Variants in PANK1 observed in about 807,000 individuals in gnomAD.
PANK1 encodes pantothenic acid kinase 1.
Under a neutral mutation model 40.1 loss-of-function variants are expected in PANK1, and 18 were observed. The observed-to-expected ratio is 0.45, with a 90% CI of 0.31 to 0.67. The LOEUF (loss-of-function observed/expected upper bound fraction) is 0.67, where lower values mean the gene tolerates loss of function less well. Among genes scored for constraint, PANK1 ranks in the 30% least tolerant of loss-of-function variants. PANK1 has a pLI of 0.06. For missense variants in PANK1, 457 were observed against 599.6 expected (o/e 0.76, Z 2.48); for synonymous variants, 242 against 237.7 (o/e 1.02, Z -0.17).
chr10:89,623,553 C>G (rs1845568401), intron 1 of PANK1, among the ~76,000 whole-genome samples: 1 of 151,848 alleles, frequency 6.6e-6, no homozygotes. Flanking sequence ...AATCAACACA[C>G]TTGAACTTCA....
intron 1 of PANK1, among the ~76,000 whole-genome samples, chr10:89,630,202 A>T (rs1485330741): frequency 6.6e-6 from 1 of 152,350 alleles, no homozygotes; most frequent in Non-Finnish European, 1.5e-5. Flanking sequence ...CCAAACGTTA[A>T]GACTTTAGAG....
chr10:89,629,586 C>T (rs183133017), intron 1 of PANK1, among the ~76,000 whole-genome samples: 9 of 152,166 alleles, frequency 5.9e-5, no homozygotes, highest in East Asian at 1.9e-4. Context: ...ATAAAAGTGA[C>T]GTCTTATTTG....
intron 1 of PANK1, among the ~76,000 whole-genome samples, chr10:89,630,492 T>A (rs1013010758): frequency 5.4e-5 from 7 of 129,270 alleles, no homozygotes; most frequent in African/African-American, 2.3e-4. Context: ...TAATGTGCAG[T>A]TTTTTTGTTT....
At chr10:89,582,106 A>T (rs182497084), downstream of PANK1, 199 of 152,334 alleles carry the variant, frequency 1.3e-3, 2 homozygotes, top group African/African-American at 4.5e-3. Flanking sequence ...TATGTAAAAC[A>T]ATTATTTGTC....
Position 89,611,984 on chromosome 10 carries a change from C to T in PANK1, c.357G>A (p.Lys119=), listed in dbSNP as rs1845170670. The change falls in exon 2 of 7, where the codon AAG becomes AAA. Residue 119 remains lysine, a synonymous_variant. Transcript: ENST00000307534. ...CTTGCTCCTCTTCGGCTGTAATATC[C>T]TTCGGCTCGAAATACACCAATTTAA... ...TLVKLVYFEP[K]DITAEEEQEE... is the part of the protein sequence containing the mutation. The T allele has an allele frequency of 6.2e-7, 1 of 1,614,012 alleles. No individual in the cohort carries two copies. The highest frequency in any genetic ancestry group is 1.3e-5 in the African/African-American group (1 of 74,922).
intron 3 of PANK1, among the ~76,000 whole-genome samples, chr10:89,596,787 T>A (rs966864175): frequency 6.6e-6 from 1 of 152,224 alleles, no homozygotes; most frequent in Non-Finnish European, 1.5e-5. Context: ...TTCAATTAAG[T>A]GCTCATGCCC....
chr10:89,599,524 C>G lies in PANK1; in HGVS notation c.646-19G>C, dbSNP rs1274824045. 6.2e-7 allele frequency: 1 copy of G among 1,603,238 alleles called. No homozygotes were observed. The highest frequency in any genetic ancestry group is 8.5e-7 in the Non-Finnish European group (1 of 1,173,858). On this transcript the variant is annotated intron_variant, in intron 2 of 6. Transcript: ENST00000307534. The stretch of plus-strand genomic sequence containing the variant: ...CAGCAATCTAAAACAAAACACACAA[C>G]AAAATAAAACCTTGTGAGATAGGCG...
At chr10:89,622,288 G>A (rs1259886463) in intron 1 of PANK1, among the ~76,000 whole-genome samples, 1 of 152,180 alleles carries the variant, frequency 6.6e-6, no homozygotes, top group African/African-American at 2.4e-5. Flanking sequence ...AAAGAAATTT[G>A]AGTCATGGGT....
At chr10:89,628,649 T>C (rs2133011394) in intron 1 of PANK1, among the ~76,000 whole-genome samples, 1 of 152,346 alleles carries the variant, frequency 6.6e-6, no homozygotes, top group South Asian at 2.1e-4. Context: ...ATACTCTAAA[T>C]GGATGAAATA....
rs751057164 is a variant in PANK1, at chr10:89,611,992, C to T, written c.349G>A (p.Glu117Lys). 5.0e-6 allele frequency: 8 copies of T among 1,613,916 alleles called. No homozygotes were observed. The highest frequency in any genetic ancestry group is 1.3e-5 in the African/African-American group (1 of 74,880). The change falls in exon 2 of 7, where the codon GAG becomes AAG. Residue 117 changes from glutamate to lysine, a missense_variant. By Grantham distance (56) the Glu-to-Lys change is moderately conservative. This residue lies in a region of PANK1 where 286 missense variants were observed against 415.8 expected (regional missense o/e 0.69). Coordinates refer to ENST00000307534, the MANE Select transcript of PANK1 (RefSeq NM_148977.3). The stretch of plus-strand genomic sequence containing the variant: ...TCTTCGGCTGTAATATCCTTCGGCT[C>T]GAAATACACCAATTTAACCAGCGTT... ...GGTLVKLVYF[E>K]PKDITAEEEQ...
chr10:89,630,108 C>T (rs1841589980), intron 1 of PANK1, among the ~76,000 whole-genome samples: 1 of 152,136 alleles, frequency 6.6e-6, no homozygotes, highest in African/African-American at 2.4e-5. Context: ...TAAGCCTTGA[C>T]TAAAATTTAA....
chr10:89,611,186 T>C (rs1235568980), intron 2 of PANK1, among the ~76,000 whole-genome samples: 1 of 152,222 alleles, frequency 6.6e-6, no homozygotes, highest in East Asian at 1.9e-4. Context: ...ATATTACAGA[T>C]TTCATTTTTG....
chr10:89,640,402 CACACACACACACAA>C (rs1841937404), intron 1 of PANK1, among the ~76,000 whole-genome samples: 1 of 151,752 alleles, frequency 6.6e-6, no homozygotes, highest in African/African-American at 2.4e-5. Context: ...TACACACACA[CACACACACACACAA>C]ACACACACAC....
In PANK1 at chr10:89,611,878, G is replaced by A; in HGVS notation, c.463C>T (p.His155Tyr). 6.2e-7 allele frequency: 1 copy of A among 1,614,178 alleles called. No homozygotes were observed. Among genetic ancestry groups the A allele is most frequent in the East Asian group, 2.2e-5 (1 of 44,884 alleles). ...AYGKTGIRDV[H>Y]LELKNLTMCG... is the part of the protein sequence containing the mutation. ...ATGGTCAGGTTTTTCAGTTCCAGGT[G>A]GACGTCTCGGATCCCAGTTTTCCCA... The change falls in exon 2 of 7, where the codon CAC (histidine) becomes TAC (tyrosine). Residue 155 changes from histidine to tyrosine, a missense_variant. Transcript: ENST00000307534.
chr10:89,634,196 C>T (rs1841734682), intron 1 of PANK1, among the ~76,000 whole-genome samples: 1 of 152,158 alleles, frequency 6.6e-6, no homozygotes, highest in Non-Finnish European at 1.5e-5. Context: ...GGAAGCCTCA[C>T]CATACTGCTA....
intron 1 of PANK1, among the ~76,000 whole-genome samples, chr10:89,620,934 C>A (rs1717595153): frequency 6.6e-6 from 1 of 152,192 alleles, no homozygotes; most frequent in Admixed American, 6.6e-5. Flanking sequence ...CCCCGATACA[C>A]TTCAAAGATA....
At position 89,611,714 on chromosome 10, in the gene PANK1, G is replaced by A. The variant is rs371878757; in HGVS notation, c.627C>T (p.Phe209=). Reference sequence around the variant, plus strand: ...GACCTACCATTCTGAAGTCCTCTTCGAATTTGAAAGCCCCGCCTCCTGTGG... The same window carrying A: ...GACCTACCATTCTGAAGTCCTCTTCAAATTTGAAAGCCCCGCCTCCTGTGG... The part of the protein sequence containing the change: ...LCATGGGAFK[F]EEDFRMIADL... Residue 209 remains phenylalanine, a synonymous_variant, in exon 2 of 7, where the codon TTC becomes TTT. Transcript: ENST00000307534. 13 of 1,608,358 alleles carry A rather than the reference G, an allele frequency of 8.1e-6. No individual in the cohort carries two copies. The highest frequency in any genetic ancestry group is 1.7e-4 in the Middle Eastern group (1 of 6,056).
At chr10:89,603,379 AATT>A (rs1359177263) in intron 2 of PANK1, among the ~76,000 whole-genome samples, 32 of 152,016 alleles carry the variant, frequency 2.1e-4, no homozygotes, top group African/African-American at 7.7e-4. Flanking sequence ...CCAATTCCTA[AATT>A]ATTAGGTTAA....
intron 2 of PANK1, among the ~76,000 whole-genome samples, chr10:89,607,822 A>C (rs10748524): frequency 0.55 from 82,683 of 151,636 alleles, 23,405 homozygotes; most frequent in South Asian, 0.63. Flanking sequence ...AATTCACTGA[A>C]ACCTACAGAG....
Sources: gnomAD v4.1 joint callset for allele counts (sites outside exome capture counted in the v4.1 genomes callset) on GRCh38, gnomAD v4.1.1 for gene constraint, gnomAD v4.1.1 regional missense constraint, MANE v1.5 for transcripts, NCBI Gene and HGNC (gene_info 2026-07-23, HGNC 2026-07-21) for gene names.